The following EPHA5 variants were observed in gnomAD, a reference collection of about 807,000 sequenced individuals.
EPHA5 encodes the protein EPH receptor A5.
Under a neutral mutation model 105.0 loss-of-function variants are expected in EPHA5, and 60 were observed. The ratio of observed to expected loss-of-function variants is 0.57; its 90% CI spans 0.46 to 0.71. The LOEUF (loss-of-function observed/expected upper bound fraction) is 0.71. EPHA5 is among the 30% of genes least tolerant of loss of function. The pLI is 0.00. For synonymous variants in EPHA5, 513 were observed against 449.1 expected, an observed-to-expected ratio of 1.14 and a Z score of -1.80; for missense variants, 1,218 against 1,274.7, an observed-to-expected ratio of 0.96 and a Z score of 0.68.
At chr4:65,640,288 T>C (rs893914673) in intron 2 of EPHA5, among the ~76,000 whole-genome samples, 61 of 138,088 alleles carry the variant, frequency 4.4e-4, no homozygotes, top group Middle Eastern at 3.6e-3. Flanking sequence ...TTTTCTTTTT[T>C]TTTTTTTTTT....
At chr4:65,569,242 C>T (rs1409743174) in intron 3 of EPHA5, among the ~76,000 whole-genome samples, 2 of 151,368 alleles carry the variant, frequency 1.3e-5, no homozygotes, top group African/African-American at 4.8e-5. Context: ...AAAGCCAAAT[C>T]CAGTAAATAA....
chr4:65,644,145 G>A (rs1747913611), intron 1 of EPHA5, among the ~76,000 whole-genome samples: 1 of 151,810 alleles, frequency 6.6e-6, no homozygotes, highest in Non-Finnish European at 1.5e-5. Context: ...AAGATATTTA[G>A]AAACTCCAGG....
intron 5 of EPHA5, among the ~76,000 whole-genome samples, chr4:65,451,847 T>C (rs1437552869): frequency 6.6e-6 from 1 of 151,956 alleles, no homozygotes; most frequent in African/African-American, 2.4e-5. Context: ...ATGAGAAGAG[T>C]CTGTGAAAGC....
rs750155449 is a variant in EPHA5 at position 65,365,206 on chromosome 4, G to T, written c.1988-4C>A. The T allele has an allele frequency of 1.9e-6, 3 of 1,605,516 alleles. No homozygotes were observed. Among genetic ancestry groups the T allele is most frequent in the African/African-American group, 2.7e-5 (2 of 74,502 alleles). ...CTACAAACTTCACCAAATTCACCTT[G>T]TGATAAAGATGAAAAAAATGCAAAA... On this transcript the variant is annotated splice_polypyrimidine_tract_variant and splice_region_variant and intron_variant, in intron 10 of 16. Transcript: ENST00000613740.
At chr4:65,510,209 T>TTA (rs1733477302) in intron 3 of EPHA5, among the ~76,000 whole-genome samples, 1 of 146,336 alleles carries the variant, frequency 6.8e-6, no homozygotes, top group Non-Finnish European at 1.5e-5. Context: ...TAATTTTGTG[T>TTA]TTTTTTTTTT....
Position 65,399,303 on chromosome 4 carries a change from T to C in EPHA5, c.1793+5071A>G, listed in dbSNP as rs530555373. 4.6e-5 allele frequency among the ~76,000 whole-genome samples: 7 copies of C among 152,350 alleles called. No homozygotes were observed. In the East Asian group the frequency reaches 1.4e-3, roughly 29 times the overall value. Reference sequence around the variant, plus strand: ...CCACAGCAGGAAGCGTGCCAGGCTGTGTGCTCAGTGGCCAGACCCTGTGCT... The same window carrying C: ...CCACAGCAGGAAGCGTGCCAGGCTGCGTGCTCAGTGGCCAGACCCTGTGCT... On this transcript the variant is annotated intron_variant, in intron 8 of 16. Coordinates refer to ENST00000613740, the MANE Select transcript of EPHA5 (RefSeq NM_001281766.3).
intron 2 of EPHA5, among the ~76,000 whole-genome samples, chr4:65,604,728 TAA>T (rs11374403): frequency 8.3e-5 from 12 of 144,044 alleles, no homozygotes; most frequent in Non-Finnish European, 7.6e-5. Context: ...ATCAGGTATG[TAA>T]AAAAAAAAAA....
chr4:65,581,132 C>T (rs1274452139), intron 3 of EPHA5, among the ~76,000 whole-genome samples: 1 of 151,658 alleles, frequency 6.6e-6, no homozygotes, highest in Non-Finnish European at 1.5e-5. Flanking sequence ...TTATTTAGCC[C>T]ACAACAATTT....
intron 2 of EPHA5, among the ~76,000 whole-genome samples, chr4:65,629,079 T>C (rs1374352033): frequency 1.3e-5 from 2 of 152,218 alleles, no homozygotes. Flanking sequence ...AAATATGTCA[T>C]CAAATATTTA....
intron 3 of EPHA5, among the ~76,000 whole-genome samples, chr4:65,561,801 A>C (rs1739042427): frequency 6.6e-6 from 1 of 152,112 alleles, no homozygotes; most frequent in Non-Finnish European, 1.5e-5. Flanking sequence ...AGAAGGGGAA[A>C]CCATTCTAGG....
rs1040031520 is a variant in EPHA5, at chr4:65,592,722, C to T, written c.910+8919G>A. 3.3e-5 allele frequency among the ~76,000 whole-genome samples: 5 copies of T among 152,226 alleles called. No homozygotes were observed. The East Asian group carries it at 5.8e-4, about 18-fold the overall frequency. ...CACATGAATTTCAAATGTTACAACACGTCTCAATCCTGGTTGCATATAACA... is the reference window on the plus strand; with the variant it reads ...CACATGAATTTCAAATGTTACAACATGTCTCAATCCTGGTTGCATATAACA... On this transcript the variant is annotated intron_variant, in intron 3 of 16. Coordinates refer to ENST00000613740, the MANE Select transcript of EPHA5 (RefSeq NM_001281766.3).
At chr4:65,377,598 T>C (rs1431372019) in intron 8 of EPHA5, among the ~76,000 whole-genome samples, 1 of 151,988 alleles carries the variant, frequency 6.6e-6, no homozygotes, top group Non-Finnish European at 1.5e-5. Flanking sequence ...TATTGAAGCC[T>C]ACCAATTTAA....
intron 3 of EPHA5, among the ~76,000 whole-genome samples, chr4:65,547,995 C>T (rs4431273): frequency 0.87 from 132,142 of 151,378 alleles, 57,810 homozygotes; most frequent in Admixed American, 0.9. Context: ...GAAGAAAATA[C>T]TCCTTTACAT....
At chr4:65,366,919 A>T (rs77505310) in intron 9 of EPHA5, among the ~76,000 whole-genome samples, 17,033 of 151,668 alleles carry the variant, frequency 0.11, 1,130 homozygotes, top group Middle Eastern at 0.18. Context: ...TTGAACCAAG[A>T]TTGCTGCCAC....
intron 1 of EPHA5, among the ~76,000 whole-genome samples, chr4:65,665,509 A>G (rs2149559468): frequency 6.6e-6 from 1 of 152,276 alleles, no homozygotes; most frequent in South Asian, 2.1e-4. Context: ...GCATAATAAT[A>G]TCAATATGTT....
chr4:65,642,169 G>C (rs2149512669), intron 2 of EPHA5, among the ~76,000 whole-genome samples: 1 of 151,106 alleles, frequency 6.6e-6, no homozygotes, highest in Admixed American at 6.6e-5. Context: ...CATCCTCTCA[G>C]AAAGAAAAAA....
intron 5 of EPHA5, among the ~76,000 whole-genome samples, chr4:65,466,145 T>C (rs1560568616): frequency 6.6e-6 from 1 of 152,268 alleles, no homozygotes; most frequent in African/African-American, 2.4e-5. Flanking sequence ...CCCACGTGTG[T>C]ACACATATGC....
intron 3 of EPHA5, among the ~76,000 whole-genome samples, chr4:65,536,205 T>C (rs1437231610): frequency 2.0e-5 from 3 of 151,944 alleles, no homozygotes; most frequent in Non-Finnish European, 2.9e-5. Context: ...CCACAGTGCT[T>C]TGAGCAGACA....
At chr4:65,668,390 C>T (rs1750141079) in intron 1 of EPHA5, among the ~76,000 whole-genome samples, 1 of 152,156 alleles carries the variant, frequency 6.6e-6, no homozygotes, top group African/African-American at 2.4e-5. Context: ...GCGTCGCATC[C>T]ACAGCCCCAA....
Sources: allele counts gnomAD v4.1 joint callset (sites outside exome capture counted in the v4.1 genomes callset), GRCh38; gene constraint gnomAD v4.1.1; transcripts MANE v1.5; gene names NCBI Gene and HGNC (gene_info 2026-07-23, HGNC 2026-07-21).